DCC: variants seen among roughly 807,000 people sequenced by gnomAD.
The protein encoded by DCC is netrin receptor DCC.
A neutral mutation model predicts 172.5 loss-of-function variants in DCC; 58 were observed. The observed-to-expected ratio is 0.34, with a 90% CI of 0.27 to 0.42. DCC has a LOEUF of 0.42. Among genes scored for constraint, DCC ranks in the 10% least tolerant of loss-of-function variants. DCC has a pLI of 1.00. For synonymous variants in DCC, 709 were observed against 644.5 expected, an observed-to-expected ratio of 1.10 and a Z score of -1.52; for missense variants, 1,740 against 1,791.0, an observed-to-expected ratio of 0.97 and a Z score of 0.51.
chr18:53,255,746 T>C (rs895353597), intron 12 of DCC, among the ~76,000 whole-genome samples: 1 of 152,098 alleles, frequency 6.6e-6, no homozygotes, highest in Admixed American at 6.6e-5. Context: ...GATGGCTGAG[T>C]CAAATGGTAT....
intron 5 of DCC, among the ~76,000 whole-genome samples, chr18:52,997,488 G>T (rs1435026645): frequency 6.6e-6 from 1 of 152,044 alleles, no homozygotes; most frequent in Non-Finnish European, 1.5e-5. Flanking sequence ...ATTCACATAT[G>T]CCAAAATATG....
At chr18:52,545,067 C>A (rs771728568) in intron 1 of DCC, among the ~76,000 whole-genome samples, 9 of 152,276 alleles carry the variant, frequency 5.9e-5, no homozygotes, top group Non-Finnish European at 1.0e-4. Context: ...TCTAAGAAAC[C>A]AACGGAACAT....
At chr18:52,561,458 A>ATG (rs1395571016) in intron 1 of DCC, among the ~76,000 whole-genome samples, 1 of 150,314 alleles carries the variant, frequency 6.7e-6, no homozygotes, top group Non-Finnish European at 1.5e-5. Context: ...ACACACACAT[A>ATG]TATATATATA....
intron 5 of DCC, among the ~76,000 whole-genome samples, chr18:53,023,974 G>A (rs560358824): frequency 2.0e-5 from 3 of 152,054 alleles, no homozygotes; most frequent in Non-Finnish European, 4.4e-5. Context: ...ATATGTTATG[G>A]TTCAGTTATG....
At chr18:53,358,423 C>T (rs1172552323) in intron 15 of DCC, among the ~76,000 whole-genome samples, 14 of 151,114 alleles carry the variant, frequency 9.3e-5, no homozygotes, top group Non-Finnish European at 1.8e-4. Context: ...TTTATTATTT[C>T]TTACCAAAAT....
At chr18:52,947,277 C>G (rs1433408763) in intron 5 of DCC, among the ~76,000 whole-genome samples, 1 of 152,158 alleles carries the variant, frequency 6.6e-6, no homozygotes, top group East Asian at 1.9e-4. Flanking sequence ...TAACATTCCA[C>G]TAGAAGCCTT....
At chr18:53,068,005 A>T (rs1240912891) in intron 7 of DCC, among the ~76,000 whole-genome samples, 1 of 152,188 alleles carries the variant, frequency 6.6e-6, no homozygotes, top group Admixed American at 6.5e-5. Context: ...AAAATAAAAT[A>T]ACTATAGAAC....
At chr18:52,529,406 T>C (rs1446356674) in intron 1 of DCC, among the ~76,000 whole-genome samples, 1 of 152,168 alleles carries the variant, frequency 6.6e-6, no homozygotes, top group Non-Finnish European at 1.5e-5. Context: ...TTCTCCTGCC[T>C]CAGCCTCCCG....
At chr18:52,552,085 GA>G (rs2032791330) in intron 1 of DCC, among the ~76,000 whole-genome samples, 1 of 152,056 alleles carries the variant, frequency 6.6e-6, no homozygotes, top group Non-Finnish European at 1.5e-5. Flanking sequence ...TTCCAAGTGA[GA>G]AACCACTCAT....
intron 7 of DCC, among the ~76,000 whole-genome samples, chr18:53,138,261 T>C (rs2144340874): frequency 6.6e-6 from 1 of 152,288 alleles, no homozygotes; most frequent in Non-Finnish European, 1.5e-5. Context: ...TGTGCCTCTC[T>C]AATGCTGTCA....
intron 7 of DCC, among the ~76,000 whole-genome samples, chr18:53,155,133 C>T (rs377078176): frequency 2.6e-5 from 4 of 151,048 alleles, no homozygotes; most frequent in African/African-American, 9.8e-5. Flanking sequence ...ACCTCTATTT[C>T]TCTGTATAGC....
At position 52,638,254 on chromosome 18, in the gene DCC, A is replaced by G. The variant is rs928154911; in HGVS notation, c.92-113800A>G. Among the ~76,000 whole-genome samples the G allele has an allele frequency of 2.6e-5, 4 of 151,180 alleles. No individual in the cohort carries two copies. In the Admixed American group the frequency reaches 2.7e-4, roughly 10 times the overall value. On this transcript the variant is annotated intron_variant, in intron 1 of 28. Coordinates refer to ENST00000442544, the MANE Select transcript of DCC (RefSeq NM_005215.4). ...CACACAGGACCTATAAAACAAAAAT[A>G]CCAGTTAAAAAGCAAAAACAAAAAA...
At chr18:53,309,008 T>C (rs983321528) in intron 13 of DCC, among the ~76,000 whole-genome samples, 4 of 152,062 alleles carry the variant, frequency 2.6e-5, no homozygotes, top group African/African-American at 9.7e-5. Flanking sequence ...TTTTATACTT[T>C]CCTCTCTGTG....
intron 1 of DCC, among the ~76,000 whole-genome samples, chr18:52,643,898 T>C (rs1362346038): frequency 1.3e-5 from 2 of 152,088 alleles, no homozygotes; most frequent in Admixed American, 1.3e-4. Context: ...TTTTGGCCCT[T>C]GCTGTGCCAA....
chr18:52,825,066 A>T (rs566317032), intron 2 of DCC, among the ~76,000 whole-genome samples: 1 of 152,258 alleles, frequency 6.6e-6, no homozygotes, highest in South Asian at 2.1e-4. Flanking sequence ...GATAAGCAAG[A>T]TAAAGAATTA....
At chr18:52,540,827 T>A (rs544871246) in intron 1 of DCC, among the ~76,000 whole-genome samples, 1 of 151,908 alleles carries the variant, frequency 6.6e-6, no homozygotes, top group African/African-American at 2.4e-5. Flanking sequence ...AGGATGGTCT[T>A]GATCTCCTGA....
intron 1 of DCC, among the ~76,000 whole-genome samples, chr18:52,383,609 G>A (rs1598879220): frequency 6.6e-6 from 1 of 151,792 alleles, no homozygotes; most frequent in South Asian, 2.1e-4. Context: ...TTTTATTTAT[G>A]TCATTTTGAA....
chr18:52,524,459 G>T (rs1039972006), intron 1 of DCC, among the ~76,000 whole-genome samples: 2 of 152,158 alleles, frequency 1.3e-5, no homozygotes, highest in African/African-American at 4.8e-5. Context: ...AATGGGATTT[G>T]TCTCAAATAA....
At chr18:53,316,901 A>G (rs567868256) in intron 13 of DCC, among the ~76,000 whole-genome samples, 2 of 152,348 alleles carry the variant, frequency 1.3e-5, no homozygotes, top group African/African-American at 4.8e-5. Context: ...AACAGAGACC[A>G]TTTGACTTCC....
Sources: gnomAD v4.1 joint callset for allele counts (sites outside exome capture counted in the v4.1 genomes callset) on GRCh38, gnomAD v4.1.1 for gene constraint, MANE v1.5 for transcripts, NCBI Gene and HGNC (gene_info 2026-07-23, HGNC 2026-07-21) for gene names.